The following TANK variants were observed in gnomAD, a reference collection of about 807,000 sequenced individuals.
The protein encoded by TANK is TRAF family member-associated NF-kappa-B activator.
TANK carries 15 observed loss-of-function variants against 43.6 expected under a neutral mutation model. The observed-to-expected ratio is 0.34, with a 90% confidence interval of 0.23 to 0.53. The LOEUF is 0.53. TANK is among the 20% of genes least tolerant of loss of function. The probability of loss-of-function intolerance (pLI) is 0.94; values close to 1 mark genes in which losing one functional copy is unlikely to be tolerated. For synonymous variants in TANK, 162 were observed against 178.2 expected, an observed-to-expected ratio of 0.91 and a Z score of 0.73; for missense variants, 417 against 498.6, an observed-to-expected ratio of 0.84 and a Z score of 1.56.
chr2:161,230,924 A>T, intron 6 of TANK, 47 bp from the exon 7 acceptor site: 1 of 1,425,916 alleles, frequency 7.0e-7, no homozygotes, highest in South Asian at 1.2e-5. Flanking sequence ...AGATTTTTTT[A>T]ATGATTTGAA....
At chr2:161,189,527 A>C (rs1171078192) in intron 2 of TANK, among the ~76,000 whole-genome samples, 4 of 152,170 alleles carry the variant, frequency 2.6e-5, no homozygotes, top group Admixed American at 2.6e-4. Context: ...ATAGTACTGA[A>C]AGTCCTAGAC....
At chr2:161,217,538 C>G (rs887938963) in intron 4 of TANK, among the ~76,000 whole-genome samples, 35 of 151,088 alleles carry the variant, frequency 2.3e-4, no homozygotes, top group Admixed American at 2.0e-3. Context: ...TTTTACTCTC[C>G]TCCAATATAT....
rs142525112 is a variant in TANK at position 161,218,808 on chromosome 2, A to G, written c.328-5107A>G. Among the ~76,000 whole-genome samples, 6 of 152,306 alleles carry G rather than the reference A, an allele frequency of 3.9e-5. No individual in the cohort carries two copies. In the East Asian group the frequency reaches 1.2e-3, roughly 29 times the overall value. On this transcript the variant is annotated intron_variant, in intron 4 of 7. Coordinates refer to ENST00000392749, the MANE Select transcript of TANK (RefSeq NM_001199135.3). ...TGTAGTTAAAGGATTTTTCCAAATC[A>G]GTTCATTTTTTCTTTTTTGAGATGA... is the stretch of plus-strand genomic sequence containing the variant.
At chr2:161,139,899 G>T in intron 1 of TANK, 1 of 984,322 alleles carries the variant, frequency 1.0e-6, no homozygotes, top group Non-Finnish European at 1.2e-6. Context: ...ACTGTGGTAA[G>T]CAAAATGTGT....
At chr2:161,160,236 G>A (rs1684343515), upstream of TANK, 5 of 394,708 alleles carry the variant, frequency 1.3e-5, no homozygotes, top group Non-Finnish European at 2.2e-5. Context: ...TTTCTAAGAG[G>A]CGGGGACTTG....
In TANK at chr2:161,180,303, A is replaced by G. The variant is rs180898054; in HGVS notation, c.99+542A>G. 709 of 213,098 alleles carry G rather than the reference A, an allele frequency of 3.3e-3. 10 individuals are homozygous for G. Among genetic ancestry groups the G allele is most frequent in the South Asian group, 0.019 (117 of 6,062 alleles). 13.2% of individuals were successfully genotyped at this position (213,098 alleles called of 1,614,324 possible). On this transcript the variant is annotated intron_variant, in intron 2 of 7. Coordinates refer to ENST00000392749, the MANE Select transcript of TANK (RefSeq NM_001199135.3). ...TTTTACAATTATCCCTGTACACATA[A>G]CATTTATTTTTAGTACTTTTAGTTT...
intron 1 of TANK, among the ~76,000 whole-genome samples, chr2:161,167,628 G>GT (rs1478216057): frequency 6.6e-6 from 1 of 151,686 alleles, no homozygotes; most frequent in African/African-American, 2.4e-5. Flanking sequence ...TTGTTTGTTT[G>GT]TTTTTGTTTT....
At chr2:161,232,161 A>T (rs1300247284) in intron 7 of TANK, among the ~76,000 whole-genome samples, 1 of 152,126 alleles carries the variant, frequency 6.6e-6, no homozygotes, top group African/African-American at 2.4e-5. Context: ...ATTTTATTTA[A>T]TGTTTCTAAA....
intron 4 of TANK, among the ~76,000 whole-genome samples, chr2:161,210,693 G>A (rs529392529): frequency 2.2e-5 from 3 of 135,450 alleles, no homozygotes; most frequent in South Asian, 4.6e-4. Flanking sequence ...GTGAAACTCC[G>A]TCTAAAAAAA....
Position 161,167,649 on chromosome 2 carries a change from GTC to G in TANK, c.-50+7171_-50+7172del, listed in dbSNP as rs201796439. ...GTTTGTTTTTGTTTTTTGAGATGGA[GTC>G]TCTCTCTGTCACCCAGGCTGGAGTG... is the stretch of plus-strand genomic sequence containing the variant. On this transcript the variant is annotated intron_variant, in intron 1 of 7. Coordinates refer to ENST00000392749, the MANE Select transcript of TANK (RefSeq NM_001199135.3). Among the ~76,000 whole-genome samples the G allele has an allele frequency of 9.5e-3, 1,449 of 151,916 alleles. 24 individuals carry two copies. Among genetic ancestry groups the G allele is most frequent in the African/African-American group, 0.033 (1,366 of 41,434 alleles).
At chr2:161,176,193 A>G (rs1349051982) in intron 1 of TANK, among the ~76,000 whole-genome samples, 2 of 152,272 alleles carry the variant, frequency 1.3e-5, no homozygotes, top group Admixed American at 1.3e-4. Context: ...GCTGCCTCTT[A>G]ATTTTATACT....
chr2:161,176,753 C>A (rs1234819899), intron 1 of TANK, among the ~76,000 whole-genome samples: 1 of 152,060 alleles, frequency 6.6e-6, no homozygotes, highest in Non-Finnish European at 1.5e-5. Context: ...AAGGGTCAGT[C>A]AGTAATAGAA....
chr2:161,179,124 A>T (rs1278319466), intron 1 of TANK, among the ~76,000 whole-genome samples: 1 of 152,096 alleles, frequency 6.6e-6, no homozygotes, highest in Non-Finnish European at 1.5e-5. Flanking sequence ...GAACATTTTC[A>T]CACATTTTAA....
In TANK at chr2:161,235,671, C is replaced by A; in HGVS notation, c.*153C>A. 1.8e-6 allele frequency: 1 copy of A among 555,388 alleles called. No homozygotes were observed. The allele number at this position is 555,388 out of a possible 1,614,324, so 34.4% of individuals were successfully genotyped here. A position where few individuals can be genotyped will look rare whatever the true frequency, so the allele number is the denominator to read the frequency against. The stretch of plus-strand genomic sequence containing the variant: ...TTTTTTCTGGATTTACTATATAACT[C>A]TTATTTTTTAAAAGATCATTCTGTT... On this transcript the variant is annotated 3_prime_UTR_variant, in exon 8 of 8. Coordinates refer to ENST00000392749, the MANE Select transcript of TANK (RefSeq NM_001199135.3).
intron 1 of TANK, among the ~76,000 whole-genome samples, chr2:161,141,508 A>G (rs376334283): frequency 5.7e-4 from 86 of 151,924 alleles, no homozygotes; most frequent in South Asian, 5.4e-3. Flanking sequence ...ACTGGCCCCA[A>G]TGTATGTTGT....
chr2:161,188,733 A>T (rs1402975793), intron 2 of TANK, among the ~76,000 whole-genome samples: 2 of 152,232 alleles, frequency 1.3e-5, no homozygotes, highest in African/African-American at 4.8e-5. Flanking sequence ...ACAGACTAGT[A>T]TCACTTATGA....
At chr2:161,217,624 T>TGC (rs1004313003) in intron 4 of TANK, among the ~76,000 whole-genome samples, 1 of 151,684 alleles carries the variant, frequency 6.6e-6, no homozygotes. Flanking sequence ...TGTGTGTGTG[T>TGC]GTGTGTTGTC....
At chr2:161,182,996 A>G (rs992719009) in intron 2 of TANK, among the ~76,000 whole-genome samples, 3 of 152,182 alleles carry the variant, frequency 2.0e-5, no homozygotes. Flanking sequence ...GTAACAAAAG[A>G]CTATAACAAG....
chr2:161,213,599 C>CAAA (rs534652154), intron 4 of TANK, among the ~76,000 whole-genome samples: 2 of 54,640 alleles, frequency 3.7e-5, no homozygotes, highest in African/African-American at 6.0e-5. Flanking sequence ...GACTTTGTCT[C>CAAA]AAAAAAAAAA....
Sources: gnomAD v4.1 joint callset for allele counts (sites outside exome capture counted in the v4.1 genomes callset) on GRCh38, gnomAD v4.1.1 for gene constraint, MANE v1.5 for transcripts, NCBI Gene and HGNC (gene_info 2026-07-23, HGNC 2026-07-21) for gene names.